Variants in TMEM232 observed in about 807,000 individuals in gnomAD.
TMEM232 encodes transmembrane protein 232.
Under a neutral mutation model 78.8 loss-of-function variants are expected in TMEM232, and 80 were observed. The ratio of observed to expected loss-of-function variants is 1.01; its 90% CI spans 0.85 to 1.22. TMEM232 has a LOEUF of 1.22. Ranked by LOEUF, TMEM232 falls within the 50% of genes most tolerant of loss-of-function variation. The pLI is 0.00. For synonymous variants in TMEM232, 297 were observed against 254.3 expected (o/e 1.17, Z -1.60); for missense variants, 881 against 742.2 (o/e 1.19, Z -2.17).
intron 10 of TMEM232, among the ~76,000 whole-genome samples, chr5:110,573,849 A>C (rs760309064): frequency 6.6e-6 from 1 of 152,082 alleles, no homozygotes; most frequent in African/African-American, 2.4e-5. Context: ...ATAGCTTGCT[A>C]GTTTAGAGAA....
chr5:110,667,005 T>C (rs1790678458), intron 2 of TMEM232: 4 of 369,412 alleles, frequency 1.1e-5, no homozygotes, highest in Admixed American at 4.7e-5. Flanking sequence ...TTATGACAAA[T>C]TAAGAAAACA....
downstream of TMEM232, among the ~76,000 whole-genome samples, chr5:110,418,453 T>C (rs1756353359): frequency 6.6e-6 from 1 of 152,122 alleles, no homozygotes; most frequent in Non-Finnish European, 1.5e-5. Context: ...CCATGAGAAA[T>C]GCATGTTGCC....
intron 12 of TMEM232, among the ~76,000 whole-genome samples, chr5:110,477,851 T>A (rs1441362229): frequency 1.3e-5 from 2 of 151,832 alleles, no homozygotes; most frequent in African/African-American, 4.8e-5. Context: ...TGTCTTCTAC[T>A]CTGAAAATGT....
chr5:110,700,036 G>A (rs898868692), intron 1 of TMEM232, among the ~76,000 whole-genome samples: 11 of 152,004 alleles, frequency 7.2e-5, no homozygotes, highest in African/African-American at 2.2e-4. Context: ...GCTGAATAAT[G>A]GCTATCAAAA....
chr5:110,684,465 C>T (rs1050202091), intron 1 of TMEM232, among the ~76,000 whole-genome samples: 8 of 151,798 alleles, frequency 5.3e-5, no homozygotes, highest in African/African-American at 1.7e-4. Flanking sequence ...AAGAAGGAAA[C>T]GTGAAATCCA....
At chr5:110,619,735 A>G (rs1018946719) in intron 7 of TMEM232, among the ~76,000 whole-genome samples, 1 of 152,118 alleles carries the variant, frequency 6.6e-6, no homozygotes, top group Admixed American at 6.6e-5. Context: ...TCTTTTCTCA[A>G]ATTGCTCTAG....
intron 12 of TMEM232, among the ~76,000 whole-genome samples, chr5:110,441,443 C>CATGTTCACAG (rs1759032992): frequency 6.6e-6 from 1 of 152,070 alleles, no homozygotes; most frequent in Non-Finnish European, 1.5e-5. Context: ...CTAGTTCTTC[C>CATGTTCACAG]ATGTTCACAG....
chr5:110,601,696 A>G (rs1268578615), intron 10 of TMEM232, among the ~76,000 whole-genome samples: 2 of 152,216 alleles, frequency 1.3e-5, no homozygotes, highest in African/African-American at 4.8e-5. Context: ...GGCAGAATCA[A>G]TATCATAAAA....
At chr5:110,540,872 T>C (rs1581146104) in intron 11 of TMEM232, among the ~76,000 whole-genome samples, 2 of 152,164 alleles carry the variant, frequency 1.3e-5, no homozygotes, top group East Asian at 1.9e-4. Context: ...CACTCTCCTA[T>C]AAAGCATGGG....
intron 12 of TMEM232, among the ~76,000 whole-genome samples, chr5:110,428,546 A>G: frequency 6.6e-6 from 1 of 151,694 alleles, no homozygotes; most frequent in East Asian, 1.9e-4. Context: ...TGACAACAGC[A>G]AACACATCAA....
intron 11 of TMEM232, among the ~76,000 whole-genome samples, chr5:110,560,298 AG>A (rs1267840091): frequency 6.6e-6 from 1 of 152,184 alleles, no homozygotes; most frequent in Admixed American, 6.5e-5. Flanking sequence ...GGACAACAAA[AG>A]CCATTTGAAT....
intron 12 of TMEM232, among the ~76,000 whole-genome samples, chr5:110,446,054 G>T (rs538730636): frequency 6.6e-6 from 1 of 152,308 alleles, no homozygotes; most frequent in East Asian, 1.9e-4. Context: ...CATCTTAGAG[G>T]CTGCCTTCCA....
At chr5:110,663,634 G>C (rs1580564488) in intron 2 of TMEM232, among the ~76,000 whole-genome samples, 1 of 150,244 alleles carries the variant, frequency 6.7e-6, no homozygotes, top group African/African-American at 2.4e-5. Context: ...TGATGATTAT[G>C]ATAAAGATGT....
chr5:110,563,275 GTCTGAT>G (rs1442963164), intron 11 of TMEM232, among the ~76,000 whole-genome samples: 2 of 151,796 alleles, frequency 1.3e-5, no homozygotes, highest in African/African-American at 2.4e-5. Context: ...TATTTGCTAT[GTCTGAT>G]TGACTTATGA....
intron 10 of TMEM232, among the ~76,000 whole-genome samples, chr5:110,572,695 A>G (rs1777095434): frequency 6.6e-6 from 1 of 152,082 alleles, no homozygotes; most frequent in Non-Finnish European, 1.5e-5. Context: ...TTTAAATTCC[A>G]TTCATATTTT....
intron 12 of TMEM232, among the ~76,000 whole-genome samples, chr5:110,524,362 AAAAAGAAAG>A (rs1402101848): frequency 8.5e-5 from 9 of 106,474 alleles, no homozygotes; most frequent in East Asian, 8.1e-4. Context: ...AAAGAAAGAA[AAAAAGAAAG>A]AAAGAAAGAA....
chr5:110,701,059 G>C (rs568830926), intron 1 of TMEM232, among the ~76,000 whole-genome samples: 3 of 151,844 alleles, frequency 2.0e-5, no homozygotes, highest in East Asian at 1.9e-4. Context: ...ACATTTGATA[G>C]GAAGAGATTT....
intron 12 of TMEM232, among the ~76,000 whole-genome samples, chr5:110,514,938 T>G (rs558175752): frequency 5.3e-5 from 8 of 152,320 alleles, no homozygotes; most frequent in African/African-American, 1.9e-4. Flanking sequence ...CTAAAAATCA[T>G]ACGGCAGAAA....
chr5:110,459,092 C>T (rs1243530888), intron 12 of TMEM232, among the ~76,000 whole-genome samples: 1 of 152,242 alleles, frequency 6.6e-6, no homozygotes, highest in African/African-American at 2.4e-5. Flanking sequence ...GAGCTATGCA[C>T]ATTTCTTTAC....
Sources: allele counts gnomAD v4.1 joint callset (sites outside exome capture counted in the v4.1 genomes callset), GRCh38; gene constraint gnomAD v4.1.1; transcripts MANE v1.5; gene names NCBI Gene and HGNC (gene_info 2026-07-23, HGNC 2026-07-21).